Variants in UBA6 observed in about 807,000 individuals in gnomAD.
The protein encoded by UBA6 is ubiquitin-like modifier-activating enzyme 6.
Under a neutral mutation model 148.3 loss-of-function variants are expected in UBA6, and 87 were observed. The observed-to-expected ratio is 0.59, with a 90% CI of 0.49 to 0.70. UBA6 has a LOEUF of 0.70. UBA6 is among the 30% of genes least tolerant of loss of function. The pLI is 0.00. For synonymous variants in UBA6, 376 were observed against 401.0 expected (o/e 0.94, Z 0.75); for missense variants, 1,186 against 1,241.2 (o/e 0.96, Z 0.67).
In UBA6 at chr4:67,626,495, T is replaced by C. The variant is rs1389697562; in HGVS notation, c.2401-18A>G. On this transcript the variant is annotated intron_variant, in intron 27 of 32. Transcript: ENST00000322244. ...TGAACAACCTTTGAATATATGAATATATTTTTATTAATGTTATCATTTCCT... is the reference window on the plus strand; with the variant it reads ...TGAACAACCTTTGAATATATGAATACATTTTTATTAATGTTATCATTTCCT... The C allele has an allele frequency of 1.4e-6, 2 of 1,445,094 alleles. No homozygotes were observed. Among genetic ancestry groups the C allele is most frequent in the Non-Finnish European group, 1.9e-6 (2 of 1,044,388 alleles). The allele number at this position is 1,445,094 out of a possible 1,614,324, so 89.5% of individuals were successfully genotyped here.
At chr4:67,620,125 T>C (rs1728719990) in intron 32 of UBA6, among the ~76,000 whole-genome samples, 1 of 151,928 alleles carries the variant, frequency 6.6e-6, no homozygotes, top group Non-Finnish European at 1.5e-5. Flanking sequence ...CATCACCTCA[T>C]ACTTGAGTCA....
At chr4:67,652,923 C>CT (rs2109923457) in intron 13 of UBA6, among the ~76,000 whole-genome samples, 1 of 152,330 alleles carries the variant, frequency 6.6e-6, no homozygotes, top group South Asian at 2.1e-4. Context: ...TTGCTCACTG[C>CT]TAGCGCAGCA....
chr4:67,637,208 C>T (rs1489500437), intron 19 of UBA6, among the ~76,000 whole-genome samples: 1 of 151,086 alleles, frequency 6.6e-6, no homozygotes, highest in African/African-American at 2.4e-5. Context: ...CCAGCCGCCC[C>T]GTCCGGGAGG....
intron 17 of UBA6, among the ~76,000 whole-genome samples, chr4:67,643,628 T>G (rs1729357025): frequency 6.6e-6 from 1 of 152,040 alleles, no homozygotes; most frequent in Admixed American, 6.5e-5. Flanking sequence ...GCTTTCAATT[T>G]AGGATTTTTT....
At position 67,668,548 on chromosome 4, in the gene UBA6, T is replaced by C; in HGVS notation, c.793+3A>G. The C allele has an allele frequency of 6.2e-7, 1 of 1,608,022 alleles. No homozygotes were observed. Among genetic ancestry groups the C allele is most frequent in the Non-Finnish European group, 8.5e-7 (1 of 1,176,468 alleles). On this transcript the variant is annotated splice_donor_region_variant and intron_variant, in intron 9 of 32. Coordinates refer to ENST00000322244, the MANE Select transcript of UBA6 (RefSeq NM_018227.6). Reference sequence around the variant, plus strand: ...AATGAATTAATAAAACACATTGACTTACCCGTTATTTGTTGTATAGATCCA... The same window carrying C: ...AATGAATTAATAAAACACATTGACTCACCCGTTATTTGTTGTATAGATCCA...
chr4:67,677,724 TA>T lies in UBA6; in HGVS notation c.354-3del, dbSNP rs745403450. ...ATATGTTTAAGTACAGCTTCAGCCC[TA>T]AAAAAATAAAATAAATTTTTACTGT... On this transcript the variant is annotated splice_polypyrimidine_tract_variant and splice_region_variant and intron_variant, in intron 5 of 32. Coordinates refer to ENST00000322244, the MANE Select transcript of UBA6 (RefSeq NM_018227.6). 2.7e-6 allele frequency: 4 copies of T among 1,496,628 alleles called. No individual in the cohort carries two copies. Among genetic ancestry groups the T allele is most frequent in the Admixed American group, 1.9e-5 (1 of 53,634 alleles). 92.7% of individuals were successfully genotyped at this position (1,496,628 alleles called of 1,614,324 possible). A position where few individuals can be genotyped will look rare whatever the true frequency, so the allele number is the denominator to read the frequency against.
rs898623714 is a variant in UBA6, at chr4:67,624,263, A to C, written c.2713-10T>G. On this transcript the variant is annotated splice_polypyrimidine_tract_variant and intron_variant, in intron 29 of 32. Transcript: ENST00000322244. ...TCATCTCCAAGGCAACCTAGATAAAAGAAGGTGATCTGATAATATAAACAG... is the reference window on the plus strand; with the variant it reads ...TCATCTCCAAGGCAACCTAGATAAACGAAGGTGATCTGATAATATAAACAG... 1.3e-6 allele frequency: 2 copies of C among 1,592,006 alleles called. No individual in the cohort carries two copies. Among genetic ancestry groups the C allele is most frequent in the Non-Finnish European group, 8.5e-7 (1 of 1,172,904 alleles).
rs1371495075 is a variant in UBA6, at chr4:67,617,410, G to C, written c.*1587C>G. 6.6e-6 allele frequency: 1 copy of C among 152,072 alleles called. No individual in the cohort carries two copies. Among genetic ancestry groups the C allele is most frequent in the Non-Finnish European group, 1.5e-5 (1 of 67,944 alleles). 9.4% of individuals were successfully genotyped at this position (152,072 alleles called of 1,614,324 possible). A position where few individuals can be genotyped will look rare whatever the true frequency, so the allele number is the denominator to read the frequency against. On this transcript the variant is annotated 3_prime_UTR_variant, in exon 33 of 33. Transcript: ENST00000322244. Reference sequence around the variant, plus strand: ...CACTTGGGATATGCACAATGGGAAAGGGTAGGATATGTGAACAAAATTTAA... The same window carrying C: ...CACTTGGGATATGCACAATGGGAAACGGTAGGATATGTGAACAAAATTTAA...
chr4:67,639,037 T>C lies in UBA6; in HGVS notation c.1642A>G (p.Thr548Ala). ...TCATCATTGTAAATGGTCTCAGTGGTTGGACATACTTTGTTCAGGTGTGCA... is the reference window on the plus strand; with the variant it reads ...TCATCATTGTAAATGGTCTCAGTGGCTGGACATACTTTGTTCAGGTGTGCA... The part of the protein sequence containing the change: ...IDAHLNKVCP[T>A]TETIYNDEFY... The change falls in exon 19 of 33, where the codon ACC (threonine) becomes GCC (alanine). Residue 548 changes from threonine (T) to alanine (A), a missense_variant. Physicochemically the swap from Thr to Ala is moderately conservative, Grantham distance 58. Coordinates refer to ENST00000322244, the MANE Select transcript of UBA6 (RefSeq NM_018227.6). 6.2e-7 allele frequency: 1 copy of C among 1,613,162 alleles called. No homozygotes were observed. The highest frequency in any genetic ancestry group is 8.5e-7 in the Non-Finnish European group (1 of 1,179,274).
At chr4:67,678,710 C>G (rs1730350641) in intron 4 of UBA6, among the ~76,000 whole-genome samples, 177 bp from the exon 5 acceptor site, 1 of 152,112 alleles carries the variant, frequency 6.6e-6, no homozygotes. Context: ...AATGAAATAA[C>G]TTTTCTCACT....
At chr4:67,676,860 T>C (rs1730292662) in intron 6 of UBA6, among the ~76,000 whole-genome samples, 1 of 150,730 alleles carries the variant, frequency 6.6e-6, no homozygotes, top group Admixed American at 6.6e-5. Context: ...CAGAAGTCTA[T>C]ACCCATTTTT....
chr4:67,698,412 T>C (rs891505939), intron 1 of UBA6, among the ~76,000 whole-genome samples: 4 of 152,222 alleles, frequency 2.6e-5, no homozygotes, highest in South Asian at 4.1e-4. Context: ...CTGTGCTACA[T>C]ATTTAAGTGC....
At chr4:67,682,444 T>C (rs1014049258) in intron 2 of UBA6, among the ~76,000 whole-genome samples, 2 of 152,190 alleles carry the variant, frequency 1.3e-5, no homozygotes, top group Non-Finnish European at 2.9e-5. Flanking sequence ...AATAGACAGA[T>C]GGAGGTGAGT....
intron 32 of UBA6, among the ~76,000 whole-genome samples, chr4:67,622,037 C>T (rs568021397): frequency 6.6e-6 from 1 of 152,118 alleles, no homozygotes; most frequent in South Asian, 2.1e-4. Context: ...GAGGGAACAA[C>T]TAAAGCAAAG....
At chr4:67,656,324 T>C (rs1238529226) in intron 13 of UBA6, among the ~76,000 whole-genome samples, 1 of 152,180 alleles carries the variant, frequency 6.6e-6, no homozygotes, top group East Asian at 1.9e-4. Context: ...TCAAAAAGCT[T>C]ATCCAACATG....
intron 14 of UBA6, among the ~76,000 whole-genome samples, chr4:67,648,487 A>C (rs1468994803): frequency 1.3e-5 from 2 of 151,876 alleles, no homozygotes; most frequent in Non-Finnish European, 2.9e-5. Flanking sequence ...AAAAAATTAA[A>C]AAAAAAAGAT....
chr4:67,657,790 A>T (rs1049176132), intron 13 of UBA6, among the ~76,000 whole-genome samples: 1 of 150,736 alleles, frequency 6.6e-6, no homozygotes, highest in Non-Finnish European at 1.5e-5. Context: ...ACAAAGGGCT[A>T]ATATCCAGAA....
chr4:67,684,672 T>G (rs1417979015), intron 2 of UBA6, among the ~76,000 whole-genome samples: 3 of 152,204 alleles, frequency 2.0e-5, no homozygotes, highest in African/African-American at 7.2e-5. Flanking sequence ...TTAATAATCA[T>G]GTTGATGAAA....
At chr4:67,666,270 C>T (rs1373479437) in intron 9 of UBA6, among the ~76,000 whole-genome samples, 1 of 151,896 alleles carries the variant, frequency 6.6e-6, no homozygotes, top group Non-Finnish European at 1.5e-5. Flanking sequence ...GAAAATGTTT[C>T]TCATTTCTAA....
Sources: allele counts gnomAD v4.1 joint callset (sites outside exome capture counted in the v4.1 genomes callset), GRCh38; gene constraint gnomAD v4.1.1; transcripts MANE v1.5; gene names NCBI Gene and HGNC (gene_info 2026-07-23, HGNC 2026-07-21).